TJP2: variants seen among roughly 807,000 people sequenced by gnomAD.
TJP2 encodes the protein tight junction protein 2, also known as Friedreich ataxia region gene X104 (tight junction protein ZO-2).
TJP2 carries 91 observed loss-of-function variants against 133.1 expected under a neutral mutation model. That is an observed-to-expected ratio of 0.68 (90% CI 0.58 to 0.81). The LOEUF (loss-of-function observed/expected upper bound fraction) is 0.81, where lower values mean the gene tolerates loss of function less well. Among genes scored for constraint, TJP2 ranks in the 40% least tolerant of loss-of-function variants. The pLI is 0.00. For synonymous variants in TJP2, 592 were observed against 583.4 expected (o/e 1.01, Z -0.21); for missense variants, 1,541 against 1,565.6 (o/e 0.98, Z 0.26).
intron 15 of TJP2, among the ~76,000 whole-genome samples, chr9:69,238,326 G>A (rs948234639): frequency 2.0e-5 from 3 of 152,026 alleles, no homozygotes; most frequent in Non-Finnish European, 2.9e-5. Flanking sequence ...CATTTTCCAC[G>A]TTTTCTTAAT....
rs557742423 is a variant in TJP2 at position 69,181,397 on chromosome 9, C to T, written c.60+6965C>T. Reference sequence around the variant, plus strand: ...CCAAGTAGCTGGGATTACAGGCACACGCCACCACACCCTGCTAATTTTTTG... The same window carrying T: ...CCAAGTAGCTGGGATTACAGGCACATGCCACCACACCCTGCTAATTTTTTG... On this transcript the variant is annotated intron_variant, in intron 1 of 22. Transcript: ENST00000377245. Among the ~76,000 whole-genome samples the T allele has an allele frequency of 5.3e-5, 8 of 152,040 alleles. No individual in the cohort carries two copies. The South Asian group carries it at 8.3e-4, about 16-fold the overall frequency.
chr9:69,168,668 G>T (rs1488148051), intron 2 of TJP2, among the ~76,000 whole-genome samples: 2 of 151,754 alleles, frequency 1.3e-5, no homozygotes, highest in Non-Finnish European at 2.9e-5. Context: ...GGTGGTGGGC[G>T]CCTGTAGTCC....
rs7853480 is a variant in TJP2 at position 69,220,770 on chromosome 9, T to C, written c.343-117T>C. ...GTTTCCGGATGAGGAACCTGAACCT[T>C]AGTGAGTCGGCAGGGATACGGTTTT... is the stretch of plus-strand genomic sequence containing the variant. On this transcript the variant is annotated intron_variant, in intron 4 of 22. Coordinates refer to ENST00000377245, the MANE Select transcript of TJP2 (RefSeq NM_004817.4). The C allele has an allele frequency of 2.4e-3, 2,327 of 961,168 alleles. 18 individuals are homozygous for C. The African/African-American group carries it at 0.033, about 14-fold the overall frequency. The allele number at this position is 961,168 out of a possible 1,614,324, so 59.5% of individuals were successfully genotyped here. A position where few individuals can be genotyped will look rare whatever the true frequency, so the allele number is the denominator to read the frequency against.
At chr9:69,251,625 T>C (rs964118463) in intron 21 of TJP2, among the ~76,000 whole-genome samples, 1 of 152,146 alleles carries the variant, frequency 6.6e-6, no homozygotes, top group African/African-American at 2.4e-5. Flanking sequence ...AATGAGGAAG[T>C]GTGAGGAGGG....
intron 1 of TJP2, among the ~76,000 whole-genome samples, chr9:69,193,676 C>CTT (rs11312165): frequency 1.5e-4 from 21 of 138,764 alleles, no homozygotes; most frequent in African/African-American, 5.5e-4. Flanking sequence ...AACACCTGAA[C>CTT]TTTTTTTTTT....
intron 12 of TJP2, among the ~76,000 whole-genome samples, chr9:69,235,150 G>A (rs1830084299): frequency 6.6e-6 from 1 of 152,180 alleles, no homozygotes; most frequent in Admixed American, 6.5e-5. Flanking sequence ...AGAGACTCAG[G>A]AGAGCCAGTG....
Position 69,139,418 on chromosome 9 carries a change from A to G in TJP2, c.-130-12233A>G, listed in dbSNP as rs190421942. Among the ~76,000 whole-genome samples, 93 of 152,296 alleles carry G rather than the reference A, an allele frequency of 6.1e-4. No individual in the cohort carries two copies. In the East Asian group the frequency reaches 0.011, roughly 18 times the overall value. On this transcript the variant is annotated intron_variant, in intron 1 of 5. Coordinates refer to the TJP2 transcript ENST00000423935. ...GTGGCCCCTAATCCAATCTGTTCTT[A>G]TAAGAGGAGGAAATTTGGACACAGA... is the stretch of plus-strand genomic sequence containing the variant.
chr9:69,235,891 C>T, intron 12 of TJP2, 137 bp from the exon 13 acceptor site: 1 of 758,870 alleles, frequency 1.3e-6, no homozygotes, highest in South Asian at 1.5e-5. Flanking sequence ...CCTGTTGGAG[C>T]TGTGACTCCC....
intron 1 of TJP2, among the ~76,000 whole-genome samples, chr9:69,149,916 A>T (rs894244884): frequency 1.3e-5 from 2 of 152,098 alleles, no homozygotes; most frequent in Non-Finnish European, 2.9e-5. Flanking sequence ...TTAGGAGGCC[A>T]AGGTGGATGG....
At chr9:69,239,013 C>T (rs1830396832) in intron 16 of TJP2, among the ~76,000 whole-genome samples, 1 of 151,472 alleles carries the variant, frequency 6.6e-6, no homozygotes, top group South Asian at 2.1e-4. Context: ...CATGGTGAAA[C>T]CCTGTCTCTA....
At chr9:69,240,544 T>C (rs191202061) in intron 17 of TJP2, among the ~76,000 whole-genome samples, 2 of 152,308 alleles carry the variant, frequency 1.3e-5, no homozygotes, top group Admixed American at 1.3e-4. Context: ...TATTTAAAAA[T>C]ATTCCTGTCC....
intron 1 of TJP2, among the ~76,000 whole-genome samples, chr9:69,151,416 G>C (rs1326142453): frequency 6.7e-6 from 1 of 150,148 alleles, no homozygotes. Flanking sequence ...GCAGGCAGAG[G>C]TTGCGGTGAG....
In TJP2 at chr9:69,220,933, G is replaced by C. The variant is rs1420331962; in HGVS notation, c.389G>C (p.Ser130Thr). The change falls in exon 5 of 23, where the codon AGC becomes ACC. Residue 130 changes from serine (S) to threonine (T), a missense_variant. By Grantham distance (58) the Ser-to-Thr change is moderately conservative (BLOSUM62 1). Coordinates refer to ENST00000377245, the MANE Select transcript of TJP2 (RefSeq NM_004817.4). ...GTCCAGGTGGCCGCACTTCAGGCCAGCCCTCCCCTGGATCAGGATGACCGG... is the reference window on the plus strand; with the variant it reads ...GTCCAGGTGGCCGCACTTCAGGCCACCCCTCCCCTGGATCAGGATGACCGG... ...RKVQVAALQASPPLDQDDRAF... is the reference protein window; with the variant it reads ...RKVQVAALQATPPLDQDDRAF... 1 of 1,612,612 alleles carries C rather than the reference G, an allele frequency of 6.2e-7. No homozygotes were observed. The highest frequency in any genetic ancestry group is 1.7e-5 in the Admixed American group (1 of 60,026).
At chr9:69,129,464 T>C (rs569727547) in intron 1 of TJP2, among the ~76,000 whole-genome samples, 1 of 152,128 alleles carries the variant, frequency 6.6e-6, no homozygotes, top group East Asian at 1.9e-4. Flanking sequence ...TGAGCTGTGA[T>C]TGCACCACTG....
chr9:69,217,394 G>A (rs1828472272), intron 3 of TJP2, among the ~76,000 whole-genome samples: 1 of 152,192 alleles, frequency 6.6e-6, no homozygotes, highest in African/African-American at 2.4e-5. Flanking sequence ...TAGCTCAAAA[G>A]TTTAGGTTTT....
At chr9:69,181,663 A>G (rs1825520869) in intron 1 of TJP2, among the ~76,000 whole-genome samples, 1 of 152,168 alleles carries the variant, frequency 6.6e-6, no homozygotes, top group South Asian at 2.1e-4. Context: ...AGAACATTCT[A>G]AATTATTTCC....
At chr9:69,145,489 T>C (rs887476636) in intron 1 of TJP2, 2 of 346,996 alleles carry the variant, frequency 5.8e-6, no homozygotes, top group African/African-American at 4.2e-5. Context: ...TTCAGAATTA[T>C]TTAGCCTTGT....
At position 69,163,171 on chromosome 9, in the gene TJP2, G is replaced by A. The variant is rs1824176394; in HGVS notation, c.-10+11400G>A. On this transcript the variant is annotated intron_variant, in intron 2 of 5. Coordinates refer to the TJP2 transcript ENST00000423935. Reference sequence around the variant, plus strand: ...CTCCCAAGTAGCTGGGACTACAGGCGCCCGCCACTACGCCCGGCTAATTTT... The same window carrying A: ...CTCCCAAGTAGCTGGGACTACAGGCACCCGCCACTACGCCCGGCTAATTTT... Among the ~76,000 whole-genome samples the A allele has an allele frequency of 1.9e-5, 2 of 104,256 alleles. 1 individual carries two copies. Among genetic ancestry groups the A allele is most frequent in the African/African-American group, 7.3e-5 (2 of 27,484 alleles). 68.4% of individuals were successfully genotyped at this position (104,256 alleles called of 152,430 possible).
At chr9:69,223,424 C>T (rs1829070871) in intron 5 of TJP2, among the ~76,000 whole-genome samples, 1 of 152,198 alleles carries the variant, frequency 6.6e-6, no homozygotes, top group African/African-American at 2.4e-5. Flanking sequence ...TCTCCTGCCT[C>T]AGCCTCCCAA....
Sources: allele counts gnomAD v4.1 joint callset (sites outside exome capture counted in the v4.1 genomes callset), GRCh38; gene constraint gnomAD v4.1.1; transcripts MANE v1.5; gene names NCBI Gene and HGNC (gene_info 2026-07-23, HGNC 2026-07-21).